PCSK9: variants seen among roughly 807,000 people sequenced by gnomAD.
The protein encoded by PCSK9 is proprotein convertase subtilisin/kexin type 9.
Under a neutral mutation model 62.1 loss-of-function variants are expected in PCSK9, and 57 were observed. The observed-to-expected ratio is 0.92, with a 90% CI of 0.74 to 1.14. The LOEUF (loss-of-function observed/expected upper bound fraction) is 1.14, where lower values mean the gene tolerates loss of function less well. Ranked by LOEUF, PCSK9 falls within the 50% of genes most tolerant of loss-of-function variation. PCSK9 has a pLI of 0.00. For synonymous variants in PCSK9, 387 were observed against 409.4 expected, an observed-to-expected ratio of 0.95 and a Z score of 0.66; for missense variants, 870 against 959.8, an observed-to-expected ratio of 0.91 and a Z score of 1.24.
intron 5 of PCSK9, among the ~76,000 whole-genome samples, chr1:55,054,200 A>T (rs1395083501): frequency 6.6e-6 from 1 of 152,164 alleles, no homozygotes; most frequent in Non-Finnish European, 1.5e-5. Context: ...CCTGTTCAAC[A>T]TGGTGAAACC....
chr1:55,053,688 G>A (rs1456077909), intron 5 of PCSK9, among the ~76,000 whole-genome samples: 3 of 152,230 alleles, frequency 2.0e-5, no homozygotes, highest in African/African-American at 7.2e-5. Context: ...TCTGCCCTGA[G>A]ACTTTCCTAC....
chr1:55,043,832 C>T lies in PCSK9; in HGVS notation c.208-11C>T. On this transcript the variant is annotated splice_polypyrimidine_tract_variant and intron_variant, in intron 1 of 11. Transcript: ENST00000302118. ...TTCCATGTCATCATGTTCCTCCTTGCATGGGGCCAGGATCCGTGGAGGTTG... is the reference window on the plus strand; with the variant it reads ...TTCCATGTCATCATGTTCCTCCTTGTATGGGGCCAGGATCCGTGGAGGTTG... 1.2e-6 allele frequency: 2 copies of T among 1,613,906 alleles called. No homozygotes were observed. The highest frequency in any genetic ancestry group is 1.7e-6 in the Non-Finnish European group (2 of 1,180,032).
chr1:55,047,320 T>C (rs1173182513), intron 3 of PCSK9, among the ~76,000 whole-genome samples: 3 of 152,206 alleles, frequency 2.0e-5, no homozygotes, highest in African/African-American at 7.2e-5. Flanking sequence ...AGGGTTCTAG[T>C]TGGACTGTGT....
chr1:55,048,885 T>C (rs1004868035), intron 3 of PCSK9, among the ~76,000 whole-genome samples: 1 of 152,236 alleles, frequency 6.6e-6, no homozygotes, highest in African/African-American at 2.4e-5. Flanking sequence ...TGCTGTGATT[T>C]TAGCCCTGCA....
chr1:55,053,770 G>A (rs1197588656), intron 5 of PCSK9, among the ~76,000 whole-genome samples: 3 of 152,190 alleles, frequency 2.0e-5, no homozygotes, highest in African/African-American at 7.2e-5. Flanking sequence ...GTGACCCCTT[G>A]TGCCTGTCCC....
chr1:55,052,057 C>G, intron 3 of PCSK9: 1 of 651,464 alleles, frequency 1.5e-6, no homozygotes, highest in Non-Finnish European at 2.7e-6. Context: ...AGCTGATGGC[C>G]TTGGACAGTT....
intron 8 of PCSK9, 23 bp from the exon 9 acceptor site, chr1:55,058,476 C>T: frequency 6.2e-7 from 1 of 1,612,252 alleles, no homozygotes; most frequent in Non-Finnish European, 8.5e-7. Context: ...GCACCCCCTC[C>T]TCATCCCAGG....
In PCSK9 at chr1:55,063,760, AACTC is replaced by A; in HGVS notation, c.*185_*188del. 1.3e-6 allele frequency: 1 copy of A among 742,834 alleles called. No homozygotes were observed. The highest frequency in any genetic ancestry group is 2.9e-5 in the Admixed American group (1 of 34,370). The allele number at this position is 742,834 out of a possible 1,614,324, so 46.0% of individuals were successfully genotyped here. A position where few individuals can be genotyped will look rare whatever the true frequency, so the allele number is the denominator to read the frequency against. ...TGAGTGGGGCAGCCTCCTTGCCTGG[AACTC>A]ACTCACTCTGGGTGCCTCCTCCCCA... On this transcript the variant is annotated 3_prime_UTR_variant, in exon 12 of 12. Transcript: ENST00000302118.
intron 2 of PCSK9, among the ~76,000 whole-genome samples, chr1:55,045,165 G>A (rs1036062793): frequency 1.3e-5 from 2 of 152,114 alleles, no homozygotes; most frequent in Admixed American, 6.5e-5. Flanking sequence ...TATAGCACCA[G>A]ATGACAGGCA....
intron 10 of PCSK9, among the ~76,000 whole-genome samples, chr1:55,060,150 G>C (rs1412389313): frequency 6.6e-6 from 1 of 152,250 alleles, no homozygotes; most frequent in African/African-American, 2.4e-5. Flanking sequence ...ATAAATTCTA[G>C]CTATCGTTAC....
At chr1:55,047,270 G>A (rs1384248563) in intron 3 of PCSK9, among the ~76,000 whole-genome samples, 4 of 152,182 alleles carry the variant, frequency 2.6e-5, no homozygotes, top group Non-Finnish European at 5.9e-5. Flanking sequence ...CAATTCAGTC[G>A]GGGAAGACTC....
chr1:55,059,459 AT>A, intron 9 of PCSK9, 26 bp from the exon 10 acceptor site: 1 of 1,553,648 alleles, frequency 6.4e-7, no homozygotes. Context: ...TCTAAAGCAG[AT>A]TCCCATTTCC....
rs28385701 is a variant in PCSK9, at chr1:55,039,978, C to T, written c.141C>T (p.Ser47=). The T allele has an allele frequency of 9.2e-3, 14,508 of 1,580,712 alleles. 108 individuals carry two copies. Among genetic ancestry groups the T allele is most frequent in the Middle Eastern group, 0.033 (166 of 5,092 alleles). The part of the protein sequence containing the change: ...DYEELVLALR[S]EEDGLAEAPE... ...AGGAGCTGGTGCTAGCCTTGCGTTC[C>T]GAGGAGGACGGCCTGGCCGAAGCAC... The change falls in exon 1 of 12, where the codon TCC becomes TCT. Residue 47 remains serine, a synonymous_variant. Transcript: ENST00000302118.
chr1:55,056,872 C>T (rs1312341352), intron 6 of PCSK9, among the ~76,000 whole-genome samples: 1 of 152,108 alleles, frequency 6.6e-6, no homozygotes, highest in African/African-American at 2.4e-5. Flanking sequence ...TGTGCGTGCG[C>T]GCGCGCGCGT....
chr1:55,043,523 G>A (rs1220079005), intron 1 of PCSK9, among the ~76,000 whole-genome samples: 1 of 152,192 alleles, frequency 6.6e-6, no homozygotes, highest in Non-Finnish European at 1.5e-5. Flanking sequence ...TGGCCTTTGG[G>A]CAGGGCCACC....
chr1:55,057,048 C>T (rs1450246247), intron 6 of PCSK9, among the ~76,000 whole-genome samples: 1 of 123,658 alleles, frequency 8.1e-6, no homozygotes, highest in African/African-American at 3.1e-5. Flanking sequence ...CTTAGAACCA[C>T]TTGATACACC....
At chr1:55,062,262 G>A (rs1025497516) in intron 11 of PCSK9, among the ~76,000 whole-genome samples, 4 of 152,188 alleles carry the variant, frequency 2.6e-5, no homozygotes, top group African/African-American at 9.6e-5. Context: ...CAGCCCTAAG[G>A]AGTCCACTCT....
At chr1:55,047,190 G>A (rs2100278800) in intron 3 of PCSK9, among the ~76,000 whole-genome samples, 1 of 152,322 alleles carries the variant, frequency 6.6e-6, no homozygotes, top group South Asian at 2.1e-4. Context: ...GGTGTGGCCT[G>A]GCTATGGAAG....
chr1:55,056,328 T>A (rs1644714692), intron 6 of PCSK9, 139 bp downstream of exon 6: 2 of 1,029,448 alleles, frequency 1.9e-6, no homozygotes, highest in Admixed American at 3.4e-5. Context: ...CCCTTCTGGC[T>A]TTGGAAGGAG....
Sources: gnomAD v4.1 joint callset for allele counts (sites outside exome capture counted in the v4.1 genomes callset) on GRCh38, gnomAD v4.1.1 for gene constraint, MANE v1.5 for transcripts, NCBI Gene and HGNC (gene_info 2026-07-23, HGNC 2026-07-21) for gene names.